FHOD3: variants seen among roughly 807,000 people sequenced by gnomAD.
FHOD3 encodes formin homology 2 domain containing 3, also known as FH1/FH2 domain-containing protein 3.
A neutral mutation model predicts 173.0 loss-of-function variants in FHOD3; 90 were observed. The observed-to-expected ratio is 0.52, with a 90% CI of 0.44 to 0.62. The LOEUF is 0.62. Among genes scored for constraint, FHOD3 ranks in the 20% least tolerant of loss-of-function variants. The pLI is 0.00. For synonymous variants in FHOD3, 828 were observed against 823.0 expected (o/e 1.01, Z -0.10); for missense variants, 1,945 against 2,034.7 (o/e 0.96, Z 0.85).
chr18:36,310,956 G>T (rs896225431), intron 1 of FHOD3, among the ~76,000 whole-genome samples: 1 of 152,152 alleles, frequency 6.6e-6, no homozygotes, highest in African/African-American at 2.4e-5. Context: ...GGGGTTGACT[G>T]GGGAGCAGAG....
At chr18:36,604,562 A>C (rs1816131840) in intron 8 of FHOD3, among the ~76,000 whole-genome samples, 1 of 152,190 alleles carries the variant, frequency 6.6e-6, no homozygotes, top group African/African-American at 2.4e-5. Flanking sequence ...AGGTGTTGTT[A>C]AATGGAAGTA....
At chr18:36,546,293 G>A (rs9966518) in intron 5 of FHOD3, among the ~76,000 whole-genome samples, 47,652 of 152,038 alleles carry the variant, frequency 0.31, 8,280 homozygotes, top group Non-Finnish European at 0.4. Context: ...TGGCACCTTG[G>A]CCTTTTTTAT....
intron 3 of FHOD3, among the ~76,000 whole-genome samples, chr18:36,374,192 T>A (rs1033992300): frequency 4.7e-4 from 72 of 152,354 alleles, no homozygotes; most frequent in South Asian, 8.3e-4. Flanking sequence ...CAGGATTTTT[T>A]AAAAACAACT....
In FHOD3 at chr18:36,550,674, A is replaced by G. The variant is rs1052182579; in HGVS notation, c.512-25777A>G. Among the ~76,000 whole-genome samples, 4 of 152,238 alleles carry G rather than the reference A, an allele frequency of 2.6e-5. No individual in the cohort carries two copies. The South Asian group carries it at 6.2e-4, about 24-fold the overall frequency. On this transcript the variant is annotated intron_variant, in intron 5 of 28. Transcript: ENST00000590592. Reference sequence around the variant, plus strand: ...TACATATCTTTCATGTAATTCATCAATAAGTATTTCATATTTTTATGTATT... The same window carrying G: ...TACATATCTTTCATGTAATTCATCAGTAAGTATTTCATATTTTTATGTATT...
At chr18:36,643,763 GT>G (rs1279148373) in intron 10 of FHOD3, among the ~76,000 whole-genome samples, 1 of 152,118 alleles carries the variant, frequency 6.6e-6, no homozygotes, top group African/African-American at 2.4e-5. Context: ...TCATTTTATA[GT>G]TGTGTTTTTG....
chr18:36,611,826 A>G (rs2032709571), intron 8 of FHOD3, 126 bp from the exon 9 acceptor site: 4 of 900,528 alleles, frequency 4.4e-6, no homozygotes, highest in Admixed American at 3.1e-5. Context: ...TAAATTTGTC[A>G]TCTGTCTGGA....
intron 10 of FHOD3, among the ~76,000 whole-genome samples, chr18:36,635,898 C>T (rs2034848657): frequency 6.6e-6 from 1 of 152,140 alleles, no homozygotes; most frequent in African/African-American, 2.4e-5. Flanking sequence ...GAGAACATCA[C>T]CCACATTTCA....
intron 3 of FHOD3, among the ~76,000 whole-genome samples, chr18:36,458,103 C>T (rs2052325874): frequency 6.6e-6 from 1 of 152,096 alleles, no homozygotes; most frequent in Non-Finnish European, 1.5e-5. Flanking sequence ...TCCCACCCAC[C>T]TATATCAGAA....
chr18:36,395,984 G>A (rs9952786), intron 3 of FHOD3, among the ~76,000 whole-genome samples: 7,457 of 152,174 alleles, frequency 0.049, 614 homozygotes, highest in African/African-American at 0.17. Flanking sequence ...AGATTCTTTA[G>A]AAAGGTCTCT....
At chr18:36,332,470 C>A (rs2045070389) in intron 1 of FHOD3, among the ~76,000 whole-genome samples, 1 of 152,242 alleles carries the variant, frequency 6.6e-6, no homozygotes, top group South Asian at 2.1e-4. Context: ...CAGGCAGATG[C>A]TCCTGCTAGA....
At position 36,718,300 on chromosome 18, in the gene FHOD3, G is replaced by T. The variant is rs571696890; in HGVS notation, c.3002G>T (p.Gly1001Val). Residue 1001 changes from glycine (G) to valine (V), a missense_variant, in exon 19 of 29, where the codon GGG (glycine) becomes GTG (valine). Transcript: ENST00000590592. The stretch of plus-strand genomic sequence containing the variant: ...CAAGACATGGATTTCACTGACCTGG[G>T]GGAGGAGGATGACATTGATGTCCTA... The part of the protein sequence containing the change: ...RIQDMDFTDL[G>V]EEDDIDVLDV... 2 of 1,614,090 alleles carry T rather than the reference G, an allele frequency of 1.2e-6. No individual in the cohort carries two copies.
At chr18:36,701,705 AT>A (rs2039597680) in intron 17 of FHOD3, among the ~76,000 whole-genome samples, 1 of 152,154 alleles carries the variant, frequency 6.6e-6, no homozygotes, top group African/African-American at 2.4e-5. Flanking sequence ...ACAGATTTGT[AT>A]TTGGGGGTAA....
intron 9 of FHOD3, among the ~76,000 whole-genome samples, chr18:36,616,448 CA>C (rs1283117996): frequency 6.6e-6 from 1 of 152,222 alleles, no homozygotes; most frequent in African/African-American, 2.4e-5. Context: ...ATTTTCTCTC[CA>C]GCCTACCTGC....
chr18:36,749,981 GTCT>G (rs1395728447), intron 24 of FHOD3, among the ~76,000 whole-genome samples: 1 of 151,522 alleles, frequency 6.6e-6, no homozygotes, highest in Non-Finnish European at 1.5e-5. Flanking sequence ...TCACATGTAT[GTCT>G]TCTTTTAAAA....
chr18:36,448,489 G>A (rs1184083610), intron 3 of FHOD3, among the ~76,000 whole-genome samples: 1 of 152,152 alleles, frequency 6.6e-6, no homozygotes, highest in African/African-American at 2.4e-5. Flanking sequence ...CCTCCATGCA[G>A]CTGGCCAGGC....
chr18:36,439,556 T>G (rs2051013778), intron 3 of FHOD3, among the ~76,000 whole-genome samples: 1 of 151,750 alleles, frequency 6.6e-6, no homozygotes. Flanking sequence ...TGTGTGTGTG[T>G]GTGTGTGTGT....
chr18:36,775,812 A>G (rs1463917768), intron 28 of FHOD3, among the ~76,000 whole-genome samples: 2 of 152,208 alleles, frequency 1.3e-5, no homozygotes, highest in Non-Finnish European at 1.5e-5. Flanking sequence ...GAGAACTGTC[A>G]CCAGGGCCTG....
In FHOD3 at chr18:36,718,440, C is replaced by T. The variant is rs867972764; in HGVS notation, c.3142C>T (p.Pro1048Ser). The T allele has an allele frequency of 6.2e-7, 1 of 1,602,466 alleles. No homozygotes were observed. The highest frequency in any genetic ancestry group is 8.5e-7 in the Non-Finnish European group (1 of 1,170,020). The part of the protein sequence containing the change: ...PPLLDSIPPP[P>S]VPGNLLVPPP... Reference sequence around the variant, plus strand: ...CCTGTTGGACAGCATTCCTCCCCCTCCTGTCCCTGGTAATTTATTGGTTCC... The same window carrying T: ...CCTGTTGGACAGCATTCCTCCCCCTTCTGTCCCTGGTAATTTATTGGTTCC... Residue 1048 changes from proline to serine, a missense_variant, in exon 19 of 29, where the codon CCT (proline) becomes TCT (serine). Physicochemically the swap from Pro to Ser is moderately conservative, Grantham distance 74 (BLOSUM62 -1). Transcript: ENST00000590592.
At position 36,345,208 on chromosome 18, in the gene FHOD3, G is replaced by GTTTT. The variant is rs34670751; in HGVS notation, c.166-10325_166-10322dup. 4.6e-5 allele frequency among the ~76,000 whole-genome samples: 7 copies of GTTTT among 151,464 alleles called. No homozygotes were observed. The East Asian group carries it at 5.8e-4, about 13-fold the overall frequency. On this transcript the variant is annotated intron_variant, in intron 1 of 28. Transcript: ENST00000590592. ...GAAGAATTCCAATCATACAGAGTATGTTTTTTTTTATCACGGTGAAATTAA... is the reference window on the plus strand; with the variant it reads ...GAAGAATTCCAATCATACAGAGTATGTTTTTTTTTTTTTATCACGGTGAAATTAA...
Sources: allele counts gnomAD v4.1 joint callset (sites outside exome capture counted in the v4.1 genomes callset), GRCh38; gene constraint gnomAD v4.1.1; transcripts MANE v1.5; gene names NCBI Gene and HGNC (gene_info 2026-07-23, HGNC 2026-07-21).